The following HMBOX1 variants were observed in gnomAD, a reference collection of about 807,000 sequenced individuals.
HMBOX1 encodes the protein homeobox containing 1.
In HMBOX1, 14 loss-of-function variants were observed where a neutral mutation model predicts 54.5. The ratio of observed to expected loss-of-function variants is 0.26; its 90% CI spans 0.17 to 0.40. The LOEUF (loss-of-function observed/expected upper bound fraction) is 0.40. Ranked by LOEUF, HMBOX1 falls within the 10% of genes least tolerant of loss-of-function variation. The pLI is 1.00. For synonymous variants in HMBOX1, 160 were observed against 181.0 expected, an observed-to-expected ratio of 0.88 and a Z score of 0.93; for missense variants, 332 against 514.4, an observed-to-expected ratio of 0.65 and a Z score of 3.43.
intron 5 of HMBOX1, among the ~76,000 whole-genome samples, chr8:29,012,086 T>A (rs1834298133): frequency 6.6e-6 from 1 of 152,224 alleles, no homozygotes; most frequent in Admixed American, 6.5e-5. Context: ...ATTTGGTAGT[T>A]GTTGTTGCGT....
intron 4 of HMBOX1, among the ~76,000 whole-genome samples, chr8:28,991,142 C>T (rs950116051): frequency 2.0e-5 from 3 of 152,120 alleles, no homozygotes; most frequent in Non-Finnish European, 4.4e-5. Context: ...TTACACTGCT[C>T]ATAATTTACT....
intron 4 of HMBOX1, among the ~76,000 whole-genome samples, chr8:29,001,072 A>C (rs1369836755): frequency 6.6e-6 from 1 of 152,112 alleles, no homozygotes; most frequent in African/African-American, 2.4e-5. Flanking sequence ...CACTGATGTC[A>C]CTCCAATTCA....
Position 28,904,042 on chromosome 8 carries a change from A to G in HMBOX1, c.-58+13364A>G, listed in dbSNP as rs563141751. On this transcript the variant is annotated intron_variant, in intron 1 of 9. Transcript: ENST00000287701. ...TTCTCCCATCCAAAATGTCAACAGT[A>G]CTGGGATTGAGAAACTCTGATCTAG... is the stretch of plus-strand genomic sequence containing the variant. 3.9e-5 allele frequency among the ~76,000 whole-genome samples: 6 copies of G among 152,276 alleles called. No individual in the cohort carries two copies. In the East Asian group the frequency reaches 1.2e-3, roughly 29 times the overall value.
intron 4 of HMBOX1, 78 bp from the exon 5 acceptor site, chr8:29,008,986 CACCCAGTA>C: frequency 1.0e-6 from 1 of 983,106 alleles, no homozygotes; most frequent in Non-Finnish European, 1.6e-6. Context: ...GAGAATAAAG[CACCCAGTA>C]ACCTAGAACC....
At position 28,925,761 on chromosome 8, in the gene HMBOX1, A is replaced by G. The variant is rs138260679; in HGVS notation, c.-58+35083A>G. On this transcript the variant is annotated intron_variant, in intron 1 of 9. Transcript: ENST00000287701. ...TTATTTCAAGAAATCTTTTTATTTG[A>G]TCCTCATAAAGGCTTTTTTATATTT... 6.5e-3 allele frequency among the ~76,000 whole-genome samples: 993 copies of G among 152,136 alleles called. 14 individuals carry two copies. The highest frequency in any genetic ancestry group is 0.022 in the African/African-American group (934 of 41,546).
At position 28,970,366 on chromosome 8, in the gene HMBOX1, A is replaced by C; in HGVS notation, c.347A>C (p.Gln116Pro). The C allele has an allele frequency of 1.2e-6, 2 of 1,614,190 alleles. No homozygotes were observed. The highest frequency in any genetic ancestry group is 1.7e-6 in the Non-Finnish European group (2 of 1,180,010). ...DTSPQPCTTN[Q>P]NGRENNERLS... ...TCCCCACAGCCTTGCACTACCAATC[A>C]AAATGGGAGGGAGAATAATGAGCGA... Residue 116 changes from glutamine (Q) to proline (P), a missense_variant, in exon 3 of 10, where the codon CAA becomes CCA. By Grantham distance (76) the Gln-to-Pro change is moderately conservative (BLOSUM62 -1). Around this residue, in one of 4 missense-constraint regions of HMBOX1, gnomAD observed 146 missense variants for 173.3 expected, o/e 0.84. Coordinates refer to ENST00000287701, the MANE Select transcript of HMBOX1 (RefSeq NM_001135726.3). The surrounding 1 kb of genome is among the most constrained non-coding windows in gnomAD (Gnocchi z 4.3).
At chr8:28,955,517 T>A (rs1824260459) in intron 1 of HMBOX1, among the ~76,000 whole-genome samples, 1 of 152,246 alleles carries the variant, frequency 6.6e-6, no homozygotes. Flanking sequence ...TTTTATTTTT[T>A]ACTCAACACT....
chr8:28,982,618 A>G (rs1266443460), intron 4 of HMBOX1, among the ~76,000 whole-genome samples: 1 of 149,796 alleles, frequency 6.7e-6, no homozygotes, highest in East Asian at 2.0e-4. Flanking sequence ...CCCGGCTAAT[A>G]TTTATTTTTT....
At chr8:29,047,840 TA>T (rs1280188175) in intron 8 of HMBOX1, among the ~76,000 whole-genome samples, 1 of 152,160 alleles carries the variant, frequency 6.6e-6, no homozygotes, top group Non-Finnish European at 1.5e-5. Context: ...ATGCTGGGAT[TA>T]CAGGTGTGAG....
chr8:28,979,451 T>TA lies in HMBOX1; in HGVS notation c.501-617dup, dbSNP rs1398625578. ...ATTCTTATATATAATACAAAATGTA[T>TA]AAATGCCTTTTTAGTACTAAAACTT... On this transcript the variant is annotated intron_variant, in intron 3 of 9. Coordinates refer to ENST00000287701, the MANE Select transcript of HMBOX1 (RefSeq NM_001135726.3). Among the ~76,000 whole-genome samples, 15 of 152,358 alleles carry TA rather than the reference T, an allele frequency of 9.8e-5. 1 individual carries two copies. The highest frequency in any genetic ancestry group is 3.1e-4 in the African/African-American group (13 of 41,596).
At chr8:29,009,229 A>G in intron 5 of HMBOX1, 47 bp downstream of exon 5, 1 of 1,428,476 alleles carries the variant, frequency 7.0e-7, no homozygotes, top group Non-Finnish European at 9.9e-7. Flanking sequence ...CAAGACAGAT[A>G]TAATGAATTA....
At chr8:29,000,768 G>A (rs1483871348) in intron 4 of HMBOX1, among the ~76,000 whole-genome samples, 1 of 152,220 alleles carries the variant, frequency 6.6e-6, no homozygotes, top group Non-Finnish European at 1.5e-5. Context: ...GTGACTACTA[G>A]GCCACACCTG....
intron 1 of HMBOX1, chr8:28,924,503 A>G (rs918727510): frequency 1.3e-5 from 2 of 150,006 alleles, no homozygotes; most frequent in Non-Finnish European, 3.0e-5. Flanking sequence ...TGCCCAAGAA[A>G]TCCTTGCTAA....
At chr8:28,953,900 T>G (rs1409950203) in intron 1 of HMBOX1, among the ~76,000 whole-genome samples, 2 of 152,178 alleles carry the variant, frequency 1.3e-5, no homozygotes, top group Non-Finnish European at 2.9e-5. Flanking sequence ...AAAAAAGAGT[T>G]GTATGTTAGC....
chr8:28,967,628 TAAGATC>T (rs1234966615), intron 2 of HMBOX1, among the ~76,000 whole-genome samples: 1 of 152,194 alleles, frequency 6.6e-6, no homozygotes, highest in Non-Finnish European at 1.5e-5. Context: ...TCATCTAAAG[TAAGATC>T]ACTTTATGAA....
chr8:28,908,739 C>A (rs1278053952), intron 1 of HMBOX1, among the ~76,000 whole-genome samples: 1 of 152,072 alleles, frequency 6.6e-6, no homozygotes, highest in Non-Finnish European at 1.5e-5. Context: ...GGACTCCAGC[C>A]TGGGCGACAG....
intron 4 of HMBOX1, among the ~76,000 whole-genome samples, chr8:29,002,593 C>T (rs1243509726): frequency 2.6e-5 from 4 of 152,056 alleles, no homozygotes; most frequent in African/African-American, 7.2e-5. Context: ...AAAATCCATC[C>T]CAATGATACA....
chr8:28,956,582 G>T (rs1017429811), intron 1 of HMBOX1, among the ~76,000 whole-genome samples: 1 of 151,862 alleles, frequency 6.6e-6, no homozygotes. Context: ...ATTCTTTCCT[G>T]CTGAATTAAA....
intron 4 of HMBOX1, among the ~76,000 whole-genome samples, chr8:28,982,854 G>C (rs1323463186): frequency 6.6e-6 from 1 of 152,024 alleles, no homozygotes; most frequent in East Asian, 1.9e-4. Context: ...GAACTCCTGA[G>C]CTCAGGTGAT....
Sources: allele counts gnomAD v4.1 joint callset (sites outside exome capture counted in the v4.1 genomes callset), GRCh38; gene constraint gnomAD v4.1.1; regional missense constraint gnomAD v4.1.1; non-coding constraint Gnocchi (gnomAD v3.1); transcripts MANE v1.5; gene names NCBI Gene and HGNC (gene_info 2026-07-23, HGNC 2026-07-21).